Variants in RALYL observed in about 807,000 individuals in gnomAD.
The protein encoded by RALYL is RNA-binding Raly-like protein.
RALYL carries 29 observed loss-of-function variants against 35.1 expected under a neutral mutation model. That is an observed-to-expected ratio of 0.83 (90% CI 0.61 to 1.13). RALYL has a LOEUF of 1.13. RALYL is among the 50% of genes most tolerant of loss of function. RALYL has a pLI of 0.00. For missense variants in RALYL, 359 were observed against 360.4 expected (o/e 1.00, Z 0.03); for synonymous variants, 120 against 127.6 (o/e 0.94, Z 0.40).
chr8:84,471,861 T>C (rs984576210), intron 1 of RALYL, among the ~76,000 whole-genome samples: 11 of 152,314 alleles, frequency 7.2e-5, no homozygotes, highest in African/African-American at 2.6e-4. Context: ...GGACACTTAC[T>C]TGGTACATAA....
intron 2 of RALYL, among the ~76,000 whole-genome samples, chr8:84,597,451 A>G (rs1400967484): frequency 6.6e-6 from 1 of 152,016 alleles, no homozygotes; most frequent in Non-Finnish European, 1.5e-5. Context: ...TTTACTCCCA[A>G]TATCCTTGTT....
intron 4 of RALYL, among the ~76,000 whole-genome samples, chr8:84,840,822 TAAAG>T (rs1833109724): frequency 6.6e-6 from 1 of 152,146 alleles, no homozygotes; most frequent in Non-Finnish European, 1.5e-5. Flanking sequence ...TCAACATTCT[TAAAG>T]AAAAGAATTT....
chr8:84,372,384 CA>C (rs1326729219), intron 1 of RALYL, among the ~76,000 whole-genome samples: 1 of 151,888 alleles, frequency 6.6e-6, no homozygotes, highest in Non-Finnish European at 1.5e-5. Flanking sequence ...TATCATAAAG[CA>C]ACAAGAATAG....
chr8:84,479,931 T>C (rs200481587), intron 1 of RALYL, among the ~76,000 whole-genome samples: 2 of 152,146 alleles, frequency 1.3e-5, no homozygotes, highest in East Asian at 3.9e-4. Flanking sequence ...GACTGAAATA[T>C]GACTGAAATT....
At chr8:84,582,921 A>T (rs577633288) in intron 2 of RALYL, among the ~76,000 whole-genome samples, 1 of 151,982 alleles carries the variant, frequency 6.6e-6, no homozygotes, top group Non-Finnish European at 1.5e-5. Flanking sequence ...ACTAAAAGTT[A>T]GATATAGTTT....
At chr8:84,783,584 T>G (rs776829837) in intron 3 of RALYL, among the ~76,000 whole-genome samples, 1 of 152,146 alleles carries the variant, frequency 6.6e-6, no homozygotes, top group Non-Finnish European at 1.5e-5. Flanking sequence ...AAAACAAACT[T>G]TTCATATTCT....
intron 5 of RALYL, among the ~76,000 whole-genome samples, chr8:84,852,930 G>A (rs898446991): frequency 6.6e-6 from 1 of 152,152 alleles, no homozygotes; most frequent in African/African-American, 2.4e-5. Flanking sequence ...AAACCATGGG[G>A]AGTTGTGCTC....
At chr8:84,256,685 G>T (rs200172418) in intron 1 of RALYL, among the ~76,000 whole-genome samples, 4 of 152,026 alleles carry the variant, frequency 2.6e-5, no homozygotes, top group African/African-American at 9.7e-5. Flanking sequence ...ACCTCTTTGT[G>T]TCTCAATTCA....
chr8:84,860,088 T>A (rs754098838), intron 5 of RALYL, among the ~76,000 whole-genome samples: 61 of 152,216 alleles, frequency 4.0e-4, no homozygotes, highest in Admixed American at 1.1e-3. Flanking sequence ...TGGTAATCCT[T>A]GGCTGGGGGA....
At chr8:84,504,726 A>G (rs2057012569) in intron 1 of RALYL, among the ~76,000 whole-genome samples, 1 of 152,166 alleles carries the variant, frequency 6.6e-6, no homozygotes, top group East Asian at 1.9e-4. Context: ...TGTATGTGAT[A>G]TGATGCTCCA....
At position 84,739,994 on chromosome 8, in the gene RALYL, A is replaced by G. The variant is rs1391963479; in HGVS notation, c.257-34585A>G. Among the ~76,000 whole-genome samples the G allele has an allele frequency of 2.0e-5, 3 of 152,032 alleles. No homozygotes were observed. In the East Asian group the frequency reaches 5.8e-4, roughly 29 times the overall value. On this transcript the variant is annotated intron_variant, in intron 2 of 8. Transcript: ENST00000521268. ...GGCTTTAGCAATAACAAAGAATTATATCATTAGAGAGTGGTTCCAAGGTAA... is the reference window on the plus strand; with the variant it reads ...GGCTTTAGCAATAACAAAGAATTATGTCATTAGAGAGTGGTTCCAAGGTAA...
At chr8:84,373,771 T>C (rs1257938297) in intron 1 of RALYL, among the ~76,000 whole-genome samples, 1 of 152,070 alleles carries the variant, frequency 6.6e-6, no homozygotes. Flanking sequence ...CATTGGTAGT[T>C]TGATAGGAAT....
At chr8:84,510,511 C>CA (rs2134399354) in intron 1 of RALYL, among the ~76,000 whole-genome samples, 1 of 152,172 alleles carries the variant, frequency 6.6e-6, no homozygotes, top group South Asian at 2.1e-4. Flanking sequence ...ATGCTCTGAT[C>CA]AAAAACATAC....
intron 1 of RALYL, among the ~76,000 whole-genome samples, chr8:84,370,170 A>G (rs1332616102): frequency 2.0e-5 from 3 of 152,108 alleles, no homozygotes; most frequent in Non-Finnish European, 4.4e-5. Context: ...TAAAATAACC[A>G]GTATTTCTTC....
chr8:84,485,520 G>A (rs1409426245), intron 1 of RALYL, among the ~76,000 whole-genome samples: 2 of 152,112 alleles, frequency 1.3e-5, no homozygotes, highest in African/African-American at 2.4e-5. Flanking sequence ...GGCAGAGGTT[G>A]CAGTGAACTG....
chr8:84,231,024 G>A (rs936381973), intron 1 of RALYL, among the ~76,000 whole-genome samples: 19 of 152,184 alleles, frequency 1.2e-4, no homozygotes, highest in African/African-American at 4.6e-4. Context: ...CAAAAGAACA[G>A]CTTCAGCCTT....
intron 1 of RALYL, among the ~76,000 whole-genome samples, chr8:84,315,169 A>C (rs1843501589): frequency 6.6e-6 from 1 of 152,210 alleles, no homozygotes; most frequent in African/African-American, 2.4e-5. Flanking sequence ...AGGTTAAATA[A>C]ATTACAACCC....
chr8:84,263,773 C>T (rs372615593), intron 1 of RALYL, among the ~76,000 whole-genome samples: 66 of 152,160 alleles, frequency 4.3e-4, no homozygotes, highest in African/African-American at 1.3e-3. Context: ...GACCTCACCC[C>T]GACACAACAG....
intron 1 of RALYL, among the ~76,000 whole-genome samples, chr8:84,453,581 C>A (rs2049770128): frequency 6.6e-6 from 1 of 151,858 alleles, no homozygotes; most frequent in Non-Finnish European, 1.5e-5. Flanking sequence ...CAAGAGATTG[C>A]AATCACAGAA....
Sources: gnomAD v4.1 joint callset for allele counts (sites outside exome capture counted in the v4.1 genomes callset) on GRCh38, gnomAD v4.1.1 for gene constraint, MANE v1.5 for transcripts, NCBI Gene and HGNC (gene_info 2026-07-23, HGNC 2026-07-21) for gene names.